The following ARHGAP30 variants were observed in gnomAD, a reference collection of about 807,000 sequenced individuals.
ARHGAP30 encodes the protein Rho GTPase activating protein 30, also known as rho GTPase-activating protein 30.
Under a neutral mutation model 72.0 loss-of-function variants are expected in ARHGAP30, and 23 were observed. That is an observed-to-expected ratio of 0.32 (90% CI 0.23 to 0.45). ARHGAP30 has a LOEUF of 0.45. ARHGAP30 is among the 20% of genes least tolerant of loss of function. The pLI is 1.00. For synonymous variants in ARHGAP30, 576 were observed against 528.2 expected (o/e 1.09, Z -1.24); for missense variants, 1,319 against 1,383.4 (o/e 0.95, Z 0.74).
intron 1 of ARHGAP30, among the ~76,000 whole-genome samples, chr1:161,065,078 A>C (rs1321526030): frequency 6.6e-6 from 1 of 152,110 alleles, no homozygotes; most frequent in Non-Finnish European, 1.5e-5. Flanking sequence ...GCATTCAAGC[A>C]GTTCTGGTGC....
chr1:161,062,494 C>T (rs1414088996), intron 1 of ARHGAP30, among the ~76,000 whole-genome samples: 1 of 151,946 alleles, frequency 6.6e-6, no homozygotes, highest in South Asian at 2.1e-4. Flanking sequence ...TTTGGTAGGC[C>T]GAGGTGGGCA....
intron 10 of ARHGAP30, 107 bp downstream of exon 10, chr1:161,051,207 C>T (rs55728374): frequency 0.26 from 378,074 of 1,479,704 alleles, 51,001 homozygotes; most frequent in Non-Finnish European, 0.27. Context: ...CCCCAAAGCC[C>T]AAGGGCTGAG....
rs777832868 is a variant in ARHGAP30 at position 161,054,680 on chromosome 1, G to C, written c.371C>G (p.Pro124Arg). The C allele has an allele frequency of 9.3e-6, 15 of 1,614,014 alleles. No homozygotes were observed. In the Middle Eastern group the frequency reaches 4.9e-4, roughly 53 times the overall value. Residue 124 changes from proline (P) to arginine (R), a missense_variant, in exon 4 of 12, where the codon CCT (proline) becomes CGT (arginine). Pro to Arg is a moderately radical substitution (Grantham distance 103). Transcript: ENST00000368013. ...FAEAVGVQLE[P>R]ERLVKILEVL... ...CTCTAGGATCTTGACCAAGCGCTCA[G>C]GTTCCAATTGCACTCCTACAGCCTC...
Position 161,051,463 on chromosome 1 carries a change from A to G in ARHGAP30, c.1271T>C (p.Ile424Thr), listed in dbSNP as rs1184594317. Residue 424 changes from isoleucine (I) to threonine (T), a missense_variant, in exon 10 of 12, where the codon ATC becomes ACC. Coordinates refer to ENST00000368013, the MANE Select transcript of ARHGAP30 (RefSeq NM_001025598.2). ...CGGGGGCACACTGAGGATAGAGGTG[A>G]TGTGTAGCGGGAGGTTGACATTGTA... ...DPYNVNLPLH[I>T]TSILSVPPNI... 4 of 1,614,254 alleles carry G rather than the reference A, an allele frequency of 2.5e-6. No individual in the cohort carries two copies. The highest frequency in any genetic ancestry group is 3.4e-6 in the Non-Finnish European group (4 of 1,180,048).
rs759043726 is a variant in ARHGAP30, at chr1:161,049,122, C to T, written c.1899G>A (p.Leu633=). ...KPPIWKGSGS[L]EGEAAGCGRQ... is the part of the protein sequence containing the mutation. Reference sequence around the variant, plus strand: ...TTCCACATCCTGCTGCCTCTCCCTCCAGACTCCCTGAACCCTTCCAGATTG... The same window carrying T: ...TTCCACATCCTGCTGCCTCTCCCTCTAGACTCCCTGAACCCTTCCAGATTG... The change falls in exon 12 of 12, where the codon CTG becomes CTA. Residue 633 remains leucine (L), a synonymous_variant. Transcript: ENST00000368013. The T allele has an allele frequency of 1.2e-6, 2 of 1,614,070 alleles. No homozygotes were observed. The highest frequency in any genetic ancestry group is 2.2e-5 in the East Asian group (1 of 44,900).
chr1:161,052,009 C>T lies in ARHGAP30; in HGVS notation c.1018+277G>A, dbSNP rs1183273747. Among the ~76,000 whole-genome samples the T allele has an allele frequency of 5.6e-5, 5 of 89,022 alleles. No homozygotes were observed. The Admixed American group carries it at 6.4e-4, about 11-fold the overall frequency. 58.4% of individuals were successfully genotyped at this position (89,022 alleles called of 152,430 possible). A position where few individuals can be genotyped will look rare whatever the true frequency, so the allele number is the denominator to read the frequency against. On this transcript the variant is annotated intron_variant, in intron 9 of 11. Coordinates refer to ENST00000368013, the MANE Select transcript of ARHGAP30 (RefSeq NM_001025598.2). ...ACCACCACCACCACCACCACCACCA[C>T]CACCACCACCACCACCACCACCACC...
rs528387953 is a variant in ARHGAP30, at chr1:161,068,309, G to A, written c.97+1219C>T. 4.9e-4 allele frequency among the ~76,000 whole-genome samples: 75 copies of A among 152,342 alleles called. 3 individuals carry two copies. The South Asian group carries it at 0.015, about 30-fold the overall frequency. On this transcript the variant is annotated intron_variant, in intron 1 of 11. Coordinates refer to ENST00000368013, the MANE Select transcript of ARHGAP30 (RefSeq NM_001025598.2). ...GTGCCACCTCCACTCTGCCCAGTGA[G>A]AAGAGGAAGGCTCAAATAAGCTCGC...
chr1:161,052,440 C>A lies in ARHGAP30; in HGVS notation c.940G>T (p.Glu314Ter). The A allele has an allele frequency of 6.2e-7, 1 of 1,613,958 alleles. No individual in the cohort carries two copies. Among genetic ancestry groups the A allele is most frequent in the Non-Finnish European group, 8.5e-7 (1 of 1,180,018 alleles). Residue 314 changes from glutamate (E) to a stop codon, truncating the protein, a stop_gained and splice_region_variant, in exon 8 of 12, where the codon GAG (glutamate) becomes TAG (stop). Transcript: ENST00000368013. LOFTEE classifies it high-confidence loss of function. ...RKLPRGAEDR[E>*]DKSNKGTLRP... ...GCTCCCCCCATCTCCCCAGACTTAC[C>A]CCTGTCCTCAGCCCCCCGTGGAAGT... is the stretch of plus-strand genomic sequence containing the variant.
chr1:161,063,692 C>T (rs920678902), intron 1 of ARHGAP30, among the ~76,000 whole-genome samples: 39 of 152,222 alleles, frequency 2.6e-4, no homozygotes, highest in Non-Finnish European at 1.0e-4. Context: ...AGAACAGAGC[C>T]ATATTTCTCT....
intron 6 of ARHGAP30, 143 bp from the exon 7 acceptor site, chr1:161,052,940 C>T: frequency 9.1e-7 from 1 of 1,103,238 alleles, no homozygotes; most frequent in Non-Finnish European, 1.3e-6. Flanking sequence ...ATGTCCATCA[C>T]CTCAAAAGAG....
At chr1:161,065,885 T>TTATA (rs1434963688) in intron 1 of ARHGAP30, among the ~76,000 whole-genome samples, 3 of 142,148 alleles carry the variant, frequency 2.1e-5, no homozygotes, top group African/African-American at 8.1e-5. Flanking sequence ...ATTTATTTAT[T>TTATA]TATTTATTTA....
In ARHGAP30 at chr1:161,049,209, A is replaced by G. The variant is rs139339322; in HGVS notation, c.1812T>C (p.Asn604=). The change falls in exon 12 of 12, where the codon AAT becomes AAC. Residue 604 remains asparagine (N), a synonymous_variant. Transcript: ENST00000368013. ...AGGCACTCAGGAAAACTTCCTCCCCATTTTCCTCCTCAACTTCAGGCCTGG... is the reference window on the plus strand; with the variant it reads ...AGGCACTCAGGAAAACTTCCTCCCCGTTTTCCTCCTCAACTTCAGGCCTGG... The part of the protein sequence containing the change: ...AGPRPEVEEE[N]GEEVFLSAYD... 1.2e-6 allele frequency: 2 copies of G among 1,613,684 alleles called. No homozygotes were observed. The highest frequency in any genetic ancestry group is 1.3e-5 in the African/African-American group (1 of 74,886).
At chr1:161,055,865 TAAAATAAAATA>T (rs1250168900) in intron 3 of ARHGAP30, among the ~76,000 whole-genome samples, 1 of 121,512 alleles carries the variant, frequency 8.2e-6, no homozygotes, top group African/African-American at 3.7e-5. Flanking sequence ...ATAAATAAAA[TAAAATAAAATA>T]AAATAAAAAT....
intron 3 of ARHGAP30, among the ~76,000 whole-genome samples, chr1:161,055,875 T>TA (rs1158578670): frequency 1.7e-5 from 2 of 115,148 alleles, no homozygotes; most frequent in Non-Finnish European, 3.4e-5. Flanking sequence ...TAAAATAAAA[T>TA]AAAATAAAAA....
chr1:161,049,624 G>T lies in ARHGAP30; in HGVS notation c.1486C>A (p.Pro496Thr). Reference sequence around the variant, plus strand: ...TGGGACAGCGAGTCCTCCAGGGCAGGAGCCAAGTCGTCTGGGCCTGAGTCT... The same window carrying T: ...TGGGACAGCGAGTCCTCCAGGGCAGTAGCCAAGTCGTCTGGGCCTGAGTCT... ...LADSGPDDLAPALEDSLSQEV... is the reference protein window; with the variant it reads ...LADSGPDDLATALEDSLSQEV... The change falls in exon 11 of 12, where the codon CCT becomes ACT. Residue 496 changes from proline to threonine, a missense_variant. By Grantham distance (38) the Pro-to-Thr change is conservative (BLOSUM62 -1). Coordinates refer to ENST00000368013, the MANE Select transcript of ARHGAP30 (RefSeq NM_001025598.2). 1 of 1,614,044 alleles carries T rather than the reference G, an allele frequency of 6.2e-7. No homozygotes were observed. The highest frequency in any genetic ancestry group is 8.5e-7 in the Non-Finnish European group (1 of 1,179,960).
chr1:161,058,626 CAAA>C (rs758250379), intron 2 of ARHGAP30, among the ~76,000 whole-genome samples: 1 of 87,058 alleles, frequency 1.1e-5, no homozygotes, highest in Non-Finnish European at 2.4e-5. Flanking sequence ...GACTCTGTCT[CAAA>C]AAAAAAAAAA....
intron 1 of ARHGAP30, among the ~76,000 whole-genome samples, chr1:161,064,837 GAAAGAAAGAAAGGAA>G (rs1652632080): frequency 3.0e-5 from 3 of 99,458 alleles, no homozygotes; most frequent in Admixed American, 1.1e-4. Flanking sequence ...GAAAGAGAAA[GAAAGAAAGAAAGGAA>G]AGGAAGGAGA....
intron 1 of ARHGAP30, among the ~76,000 whole-genome samples, chr1:161,061,500 A>T (rs1245329802): frequency 5.3e-5 from 8 of 150,998 alleles, no homozygotes; most frequent in Non-Finnish European, 2.9e-5. Context: ...AGATATTCTG[A>T]ATGACAGACC....
rs1433353189 is a variant in ARHGAP30, at chr1:161,046,988, G to C, written c.*727C>G. ...TATTCTGAGACATTGACCTTCACTA[G>C]AGTGGGACCTGTGGCCCCAGCCTGG... On this transcript the variant is annotated 3_prime_UTR_variant, in exon 12 of 12. Coordinates refer to ENST00000368013, the MANE Select transcript of ARHGAP30 (RefSeq NM_001025598.2). 2.3e-5 allele frequency: 11 copies of C among 470,416 alleles called. No individual in the cohort carries two copies. The highest frequency in any genetic ancestry group is 1.2e-4 in the South Asian group (8 of 64,410). The allele number at this position is 470,416 out of a possible 1,614,324, so 29.1% of individuals were successfully genotyped here. A position where few individuals can be genotyped will look rare whatever the true frequency, so the allele number is the denominator to read the frequency against.
Sources: allele counts gnomAD v4.1 joint callset (sites outside exome capture counted in the v4.1 genomes callset), GRCh38; gene constraint gnomAD v4.1.1; transcripts MANE v1.5; gene names NCBI Gene and HGNC (gene_info 2026-07-23, HGNC 2026-07-21).